SLIT3: variants seen among roughly 807,000 people sequenced by gnomAD.
SLIT3 encodes slit homolog 3 protein.
A neutral mutation model predicts 184.0 loss-of-function variants in SLIT3; 68 were observed. That is an observed-to-expected ratio of 0.37 (90% CI 0.30 to 0.45). The LOEUF is 0.45. Ranked by LOEUF, SLIT3 falls within the 20% of genes least tolerant of loss-of-function variation. The probability of loss-of-function intolerance (pLI) is 1.00; values close to 1 mark genes in which losing one functional copy is unlikely to be tolerated. For synonymous variants in SLIT3, 831 were observed against 828.6 expected (o/e 1.00, Z -0.05); for missense variants, 1,707 against 2,026.0 (o/e 0.84, Z 3.02).
intron 4 of SLIT3, among the ~76,000 whole-genome samples, chr5:169,073,216 C>T (rs1581376848): frequency 6.6e-6 from 1 of 152,110 alleles, no homozygotes; most frequent in Admixed American, 6.5e-5. Context: ...CCTTAATATC[C>T]TAATTCTCAT....
chr5:169,187,279 A>C (rs1763383912), intron 4 of SLIT3, among the ~76,000 whole-genome samples: 1 of 151,734 alleles, frequency 6.6e-6, no homozygotes. Flanking sequence ...CACCCTGCTA[A>C]TTTTTGTGTT....
chr5:169,206,793 T>A (rs1474543719), intron 3 of SLIT3, among the ~76,000 whole-genome samples: 2 of 152,236 alleles, frequency 1.3e-5, no homozygotes, highest in African/African-American at 2.4e-5. Flanking sequence ...TTTTCTGGCA[T>A]AAGCCAAAGA....
At chr5:169,124,603 T>C (rs1581433572) in intron 4 of SLIT3, among the ~76,000 whole-genome samples, 1 of 152,144 alleles carries the variant, frequency 6.6e-6, no homozygotes, top group Non-Finnish European at 1.5e-5. Context: ...TAGGTCAAGA[T>C]TGTGAGAAAT....
At chr5:168,839,293 G>A (rs1758159682) in intron 6 of SLIT3, among the ~76,000 whole-genome samples, 1 of 152,138 alleles carries the variant, frequency 6.6e-6, no homozygotes, top group Non-Finnish European at 1.5e-5. Flanking sequence ...GCCCAGCACT[G>A]TGCTGGCCAC....
rs537489978 is a variant in SLIT3 at position 168,965,548 on chromosome 5, T to C, written c.414-82212A>G. Among the ~76,000 whole-genome samples, 20 of 152,348 alleles carry C rather than the reference T, an allele frequency of 1.3e-4. No homozygotes were observed. In the South Asian group the frequency reaches 2.9e-3, roughly 22 times the overall value. Reference sequence around the variant, plus strand: ...CCAATATTAAGTTAGTTTAGGAAAATATGAGTTCTGCCTACTCACACATGG... The same window carrying C: ...CCAATATTAAGTTAGTTTAGGAAAACATGAGTTCTGCCTACTCACACATGG... On this transcript the variant is annotated intron_variant, in intron 4 of 35. Coordinates refer to ENST00000519560, the MANE Select transcript of SLIT3 (RefSeq NM_003062.4).
intron 4 of SLIT3, among the ~76,000 whole-genome samples, chr5:168,935,695 A>T (rs1299415674): frequency 6.6e-6 from 1 of 152,206 alleles, no homozygotes; most frequent in Admixed American, 6.5e-5. Context: ...TGTTTTCATA[A>T]ATAGGGATAT....
intron 29 of SLIT3, among the ~76,000 whole-genome samples, chr5:168,688,477 G>C (rs1485938590): frequency 1.3e-5 from 2 of 152,154 alleles, no homozygotes; most frequent in African/African-American, 4.8e-5. Flanking sequence ...TCCACAAGTG[G>C]CAACCCCACT....
intron 5 of SLIT3, among the ~76,000 whole-genome samples, chr5:168,851,440 CA>C (rs1758677331): frequency 1.3e-5 from 2 of 151,202 alleles, no homozygotes; most frequent in Non-Finnish European, 2.9e-5. Flanking sequence ...ACAACAATAA[CA>C]AAACAAACAA....
chr5:169,259,324 G>C (rs543058658), intron 1 of SLIT3, among the ~76,000 whole-genome samples: 2 of 152,230 alleles, frequency 1.3e-5, no homozygotes, highest in Non-Finnish European at 2.9e-5. Context: ...CTCCCAAAGT[G>C]CTGGGATTAC....
intron 4 of SLIT3, among the ~76,000 whole-genome samples, chr5:168,942,957 T>C (rs1409846246): frequency 1.3e-5 from 2 of 152,234 alleles, no homozygotes; most frequent in East Asian, 3.8e-4. Flanking sequence ...GCTGAGGCAC[T>C]GCTGATCCTA....
chr5:168,983,913 C>T (rs1315596796), intron 4 of SLIT3, among the ~76,000 whole-genome samples: 7 of 151,958 alleles, frequency 4.6e-5, no homozygotes, highest in Non-Finnish European at 7.4e-5. Flanking sequence ...AAAAGAGAGG[C>T]CTGGCTCACG....
At chr5:168,679,662 C>A (rs1761521667) in intron 32 of SLIT3, among the ~76,000 whole-genome samples, 1 of 152,102 alleles carries the variant, frequency 6.6e-6, no homozygotes, top group African/African-American at 2.4e-5. Context: ...CTCGCAGTAA[C>A]AAAAAGTTCC....
intron 4 of SLIT3, among the ~76,000 whole-genome samples, chr5:169,126,921 C>T (rs1761100132): frequency 1.1e-5 from 1 of 90,898 alleles, no homozygotes; most frequent in Non-Finnish European, 2.9e-5. Context: ...CTGAGATCCA[C>T]TGGGAGTCAT....
chr5:169,280,519 G>A (rs1766962105), intron 1 of SLIT3, among the ~76,000 whole-genome samples: 1 of 152,156 alleles, frequency 6.6e-6, no homozygotes, highest in Admixed American at 6.5e-5. Context: ...AGCAGCCCTT[G>A]GACACAGCCC....
chr5:168,739,216 G>T (rs1490978285), intron 20 of SLIT3, among the ~76,000 whole-genome samples: 1 of 152,098 alleles, frequency 6.6e-6, no homozygotes, highest in Non-Finnish European at 1.5e-5. Context: ...ACAAGATCGT[G>T]CATGGGGAAA....
intron 4 of SLIT3, among the ~76,000 whole-genome samples, chr5:169,052,162 G>A (rs1286488318): frequency 6.6e-6 from 1 of 151,932 alleles, no homozygotes; most frequent in Non-Finnish European, 1.5e-5. Context: ...CCCACATTTG[G>A]TTAAAGACAG....
chr5:168,810,025 T>G (rs902220293), intron 8 of SLIT3, among the ~76,000 whole-genome samples: 1 of 152,142 alleles, frequency 6.6e-6, no homozygotes, highest in Non-Finnish European at 1.5e-5. Flanking sequence ...TGAGCCTATC[T>G]CACTTGCACA....
In SLIT3 at chr5:168,669,419, C is replaced by G. The variant is rs144431968; in HGVS notation, c.4336+364G>C. ...TGCAGCACATTGGAAGCATATCCTGCTGCCTTGGGTTAGCCTACAGAGAAC... is the reference window on the plus strand; with the variant it reads ...TGCAGCACATTGGAAGCATATCCTGGTGCCTTGGGTTAGCCTACAGAGAAC... On this transcript the variant is annotated intron_variant, in intron 35 of 35. Coordinates refer to ENST00000519560, the MANE Select transcript of SLIT3 (RefSeq NM_003062.4). 2.3e-3 allele frequency among the ~76,000 whole-genome samples: 352 copies of G among 152,312 alleles called. 3 individuals carry two copies. Among genetic ancestry groups the G allele is most frequent in the African/African-American group, 8.0e-3 (332 of 41,572 alleles).
intron 4 of SLIT3, among the ~76,000 whole-genome samples, chr5:169,047,843 C>T (rs1215273715): frequency 6.6e-6 from 1 of 152,092 alleles, no homozygotes; most frequent in East Asian, 1.9e-4. Flanking sequence ...AGCCCGTTTT[C>T]CTGAAAAGAT....
Sources: gnomAD v4.1 joint callset for allele counts (sites outside exome capture counted in the v4.1 genomes callset) on GRCh38, gnomAD v4.1.1 for gene constraint, MANE v1.5 for transcripts, NCBI Gene and HGNC (gene_info 2026-07-23, HGNC 2026-07-21) for gene names.